Variants in FRYL observed in about 807,000 individuals in gnomAD.
FRYL encodes FRY like transcription coactivator, also known as protein furry homolog-like.
FRYL carries 150 observed loss-of-function variants against 351.2 expected under a neutral mutation model. The ratio of observed to expected loss-of-function variants is 0.43; its 90% CI spans 0.37 to 0.49. FRYL has a LOEUF of 0.49. FRYL is among the 20% of genes least tolerant of loss of function. FRYL has a pLI of 0.00. For missense variants in FRYL, 3,036 were observed against 3,619.3 expected (o/e 0.84, Z 4.13); for synonymous variants, 1,153 against 1,257.1 (o/e 0.92, Z 1.75).
intron 1 of FRYL, among the ~76,000 whole-genome samples, chr4:48,736,183 TACA>T (rs1281487513): frequency 1.3e-5 from 2 of 151,752 alleles, no homozygotes; most frequent in South Asian, 2.1e-4. Context: ...AAAATGAAAA[TACA>T]ACATCAAAAC....
intron 54 of FRYL, among the ~76,000 whole-genome samples, chr4:48,522,348 G>A (rs1725080197): frequency 6.6e-6 from 1 of 152,116 alleles, no homozygotes; most frequent in Non-Finnish European, 1.5e-5. Context: ...GGTCTCCACT[G>A]GTTTCTTCCT....
chr4:48,713,359 C>G (rs1403080052), intron 1 of FRYL, among the ~76,000 whole-genome samples: 1 of 152,106 alleles, frequency 6.6e-6, no homozygotes, highest in Non-Finnish European at 1.5e-5. Flanking sequence ...CATCAGTGTG[C>G]TGTATTCAGG....
intron 3 of FRYL, among the ~76,000 whole-genome samples, chr4:48,669,621 T>C (rs1391512109): frequency 6.7e-6 from 1 of 148,722 alleles, no homozygotes; most frequent in East Asian, 1.9e-4. Flanking sequence ...ATAATTTTTA[T>C]TACATAAAAA....
chr4:48,654,628 T>C (rs1364900728), intron 3 of FRYL, among the ~76,000 whole-genome samples: 2 of 152,244 alleles, frequency 1.3e-5, no homozygotes, highest in Non-Finnish European at 2.9e-5. Flanking sequence ...TCTATTATAA[T>C]AATGGGATTA....
intron 1 of FRYL, among the ~76,000 whole-genome samples, chr4:48,772,467 T>C (rs1229982867): frequency 6.6e-6 from 1 of 152,128 alleles, no homozygotes; most frequent in Non-Finnish European, 1.5e-5. Flanking sequence ...ATACTATTTA[T>C]ACACATTGAG....
intron 13 of FRYL, among the ~76,000 whole-genome samples, chr4:48,599,188 T>C (rs955922865): frequency 2.6e-5 from 4 of 152,192 alleles, no homozygotes; most frequent in African/African-American, 9.7e-5. Flanking sequence ...GTATAGATTG[T>C]TGAAAAAAAT....
chr4:48,580,791 C>CATGTACATGT (rs759258826), intron 22 of FRYL, 74 bp downstream of exon 22: 1 of 903,228 alleles, frequency 1.1e-6, no homozygotes, highest in Non-Finnish European at 1.8e-6. Flanking sequence ...TATGTATGCA[C>CATGTACATGT]ATGTACATGT....
chr4:48,694,831 G>C (rs1275461486), intron 2 of FRYL, among the ~76,000 whole-genome samples: 1 of 152,110 alleles, frequency 6.6e-6, no homozygotes, highest in Non-Finnish European at 1.5e-5. Context: ...CAGCACTTTG[G>C]GGGGCCAACG....
chr4:48,707,529 C>T (rs1183658926), intron 2 of FRYL, among the ~76,000 whole-genome samples: 3 of 152,026 alleles, frequency 2.0e-5, no homozygotes, highest in Admixed American at 2.0e-4. Context: ...AGTCTGTTTA[C>T]TTCTGCATAT....
intron 1 of FRYL, among the ~76,000 whole-genome samples, chr4:48,711,168 C>T (rs1767956448): frequency 6.6e-6 from 1 of 152,230 alleles, no homozygotes; most frequent in South Asian, 2.1e-4. Context: ...GCATTTCCAT[C>T]TGAGGTACTG....
intron 1 of FRYL, among the ~76,000 whole-genome samples, chr4:48,776,208 T>C (rs1776008846): frequency 6.6e-6 from 1 of 151,568 alleles, no homozygotes; most frequent in Admixed American, 6.6e-5. Flanking sequence ...TACTGCTCTT[T>C]AACTCCTGGG....
intron 1 of FRYL, among the ~76,000 whole-genome samples, chr4:48,736,418 TGAG>T (rs1257858803): frequency 1.3e-5 from 2 of 152,052 alleles, no homozygotes; most frequent in Non-Finnish European, 2.9e-5. Context: ...GCTAGTTATT[TGAG>T]AAGATCAATA....
At chr4:48,720,850 A>G (rs1479974156) in intron 1 of FRYL, among the ~76,000 whole-genome samples, 1 of 152,234 alleles carries the variant, frequency 6.6e-6, no homozygotes, top group African/African-American at 2.4e-5. Context: ...ACAGGGACAC[A>G]GTTTAAACAT....
chr4:48,632,759 C>CA (rs1753495589), intron 4 of FRYL, among the ~76,000 whole-genome samples: 1 of 152,082 alleles, frequency 6.6e-6, no homozygotes, highest in Non-Finnish European at 1.5e-5. Flanking sequence ...ATGCTTTCCT[C>CA]AGAGTAGTTT....
In FRYL at chr4:48,510,894, A is replaced by T; in HGVS notation, c.8236T>A (p.Ser2746Thr). 1 of 1,613,262 alleles carries T rather than the reference A, an allele frequency of 6.2e-7. No individual in the cohort carries two copies. The highest frequency in any genetic ancestry group is 8.5e-7 in the Non-Finnish European group (1 of 1,179,416). Residue 2746 changes from serine to threonine, a missense_variant, in exon 58 of 64, where the codon TCC becomes ACC. Physicochemically the swap from Ser to Thr is moderately conservative, Grantham distance 58. Around this residue, in one of 7 missense-constraint regions of FRYL, gnomAD observed 1,987 missense variants for 2,311.7 expected, o/e 0.86. Transcript: ENST00000358350. ...GAACACAGCATCATCACTTCCAAGGAACTTTTAAATTTGGTACCAATGCGT... is the reference window on the plus strand; with the variant it reads ...GAACACAGCATCATCACTTCCAAGGTACTTTTAAATTTGGTACCAATGCGT... The part of the protein sequence containing the change: ...LQRIGTKFKS[S>T]LEVMMLCSEC...
chr4:48,568,741 T>C (rs937541404), intron 27 of FRYL, among the ~76,000 whole-genome samples: 5 of 152,210 alleles, frequency 3.3e-5, no homozygotes, highest in African/African-American at 4.8e-5. Flanking sequence ...AATAAGTGTT[T>C]TTCAAATTTT....
At chr4:48,709,827 T>C (rs575388230) in intron 2 of FRYL, among the ~76,000 whole-genome samples, 1 of 152,344 alleles carries the variant, frequency 6.6e-6, no homozygotes, top group South Asian at 2.1e-4. Flanking sequence ...CTTTATCTAA[T>C]ACCACATTTT....
chr4:48,534,499 C>A (rs1383842607), intron 49 of FRYL, 46 bp downstream of exon 49: 2 of 1,443,632 alleles, frequency 1.4e-6, no homozygotes, highest in Non-Finnish European at 1.9e-6. Flanking sequence ...GATTATAAAT[C>A]ATTTTTAGAT....
chr4:48,628,663 T>C (rs1301107051), intron 4 of FRYL, among the ~76,000 whole-genome samples: 1 of 152,028 alleles, frequency 6.6e-6, no homozygotes, highest in Non-Finnish European at 1.5e-5. Context: ...CAAATAGCCA[T>C]AATAGAAGGA....
Sources: allele counts gnomAD v4.1 joint callset (sites outside exome capture counted in the v4.1 genomes callset), GRCh38; gene constraint gnomAD v4.1.1; regional missense constraint gnomAD v4.1.1; transcripts MANE v1.5; gene names NCBI Gene and HGNC (gene_info 2026-07-23, HGNC 2026-07-21).